CLNK: variants seen among roughly 807,000 people sequenced by gnomAD.
CLNK encodes the protein cytokine-dependent hematopoietic cell linker.
In CLNK, 74 loss-of-function variants were observed where a neutral mutation model predicts 68.6. The ratio of observed to expected loss-of-function variants is 1.08; its 90% CI spans 0.89 to 1.31. CLNK has a LOEUF of 1.31. CLNK is among the 50% of genes most tolerant of loss of function. The pLI is 0.00. For synonymous variants in CLNK, 198 were observed against 172.2 expected, an observed-to-expected ratio of 1.15 and a Z score of -1.17; for missense variants, 553 against 515.3, an observed-to-expected ratio of 1.07 and a Z score of -0.71.
At chr4:10,649,063 G>C (rs1723628152) in intron 2 of CLNK, among the ~76,000 whole-genome samples, 1 of 152,130 alleles carries the variant, frequency 6.6e-6, no homozygotes, top group Non-Finnish European at 1.5e-5. Flanking sequence ...AGGTGCCTTT[G>C]TAAAACGTTA....
At chr4:10,606,925 T>A (rs544088498) in intron 2 of CLNK, among the ~76,000 whole-genome samples, 2 of 152,338 alleles carry the variant, frequency 1.3e-5, no homozygotes, top group South Asian at 2.1e-4. Context: ...GTAGTAAGCA[T>A]CTAGGTTGTT....
At chr4:10,690,485 G>A in the CLNK span, among the ~76,000 whole-genome samples, 1 of 152,034 alleles carries the variant, frequency 6.6e-6, no homozygotes, top group Non-Finnish European at 1.5e-5. Context: ...CTCTGGCATG[G>A]TTTCTTTACC....
At chr4:10,642,210 C>G (rs139253315) in intron 2 of CLNK, among the ~76,000 whole-genome samples, 3,361 of 152,294 alleles carry the variant, frequency 0.022, 66 homozygotes, top group Non-Finnish European at 0.038. Flanking sequence ...TCAGCATACA[C>G]TGCCATACAC....
chr4:10,646,528 C>G (rs1260485590), intron 2 of CLNK, among the ~76,000 whole-genome samples: 1 of 152,174 alleles, frequency 6.6e-6, no homozygotes, highest in Non-Finnish European at 1.5e-5. Context: ...ATTCATTTTG[C>G]CAGGAAGAAA....
chr4:10,662,053 C>G (rs1724214103), intron 2 of CLNK, among the ~76,000 whole-genome samples: 1 of 152,086 alleles, frequency 6.6e-6, no homozygotes, highest in African/African-American at 2.4e-5. Flanking sequence ...AAAAGAACTG[C>G]TAGGTTATTA....
rs1716364765 is a variant in CLNK at position 10,486,570 on chromosome 4, G to GTACATAATTT, written c.*3896_*3897insAAATTATGTA. 2 of 151,966 alleles carry GTACATAATTT rather than the reference G, an allele frequency of 1.3e-5. No individual in the cohort carries two copies. The highest frequency in any genetic ancestry group is 1.3e-4 in the Admixed American group (2 of 15,248). The allele number at this position is 151,966 out of a possible 1,614,324, so 9.4% of individuals were successfully genotyped here. A position where few individuals can be genotyped will look rare whatever the true frequency, so the allele number is the denominator to read the frequency against. On this transcript the variant is annotated 3_prime_UTR_variant, in exon 19 of 19. Coordinates refer to ENST00000226951, the MANE Select transcript of CLNK (RefSeq NM_052964.4). ...TATTTGTGTACACACATACATAATTGGCTACATTCGACAATGGGGTTCATT... is the reference window on the plus strand; with the variant it reads ...TATTTGTGTACACACATACATAATTGTACATAATTTGCTACATTCGACAATGGGGTTCATT...
At chr4:10,692,858 A>G in the CLNK span, among the ~76,000 whole-genome samples, 2 of 152,320 alleles carry the variant, frequency 1.3e-5, no homozygotes, top group East Asian at 1.9e-4. Flanking sequence ...GGAAAAGAGG[A>G]AAAGAAAGGG....
the CLNK span, among the ~76,000 whole-genome samples, chr4:10,708,926 T>C: frequency 1.3e-3 from 200 of 152,346 alleles, no homozygotes; most frequent in Non-Finnish European, 2.3e-3. Context: ...GATTACGCTA[T>C]AAAACTTTCT....
At chr4:10,505,196 T>C (rs1187220599) in intron 17 of CLNK, among the ~76,000 whole-genome samples, 1 of 152,172 alleles carries the variant, frequency 6.6e-6, no homozygotes, top group African/African-American at 2.4e-5. Flanking sequence ...ATGGCCAGAT[T>C]CCCTGGAAAG....
At chr4:10,578,579 C>CTTTTTTTTTTTTT (rs5856062) in intron 4 of CLNK, among the ~76,000 whole-genome samples, 8 of 44,920 alleles carry the variant, frequency 1.8e-4, no homozygotes, top group African/African-American at 7.0e-4. Context: ...CTTACCTTAT[C>CTTTTTTTTTTTTT]TTTTTTTTTT....
chr4:10,658,039 A>G (rs1724048505), intron 2 of CLNK, among the ~76,000 whole-genome samples: 2 of 152,182 alleles, frequency 1.3e-5, no homozygotes, highest in Admixed American at 1.3e-4. Context: ...GCTTGGTAAC[A>G]TCCCATTGTT....
chr4:10,689,873 AGAG>A, the CLNK span, among the ~76,000 whole-genome samples: 1 of 149,794 alleles, frequency 6.7e-6, no homozygotes, highest in Non-Finnish European at 1.5e-5. Context: ...CAGGCCCTTG[AGAG>A]GAGATCAGCT....
chr4:10,721,266 G>A, the CLNK span, among the ~76,000 whole-genome samples: 1 of 152,114 alleles, frequency 6.6e-6, no homozygotes, highest in East Asian at 1.9e-4. Flanking sequence ...TATCTTGACT[G>A]TATCGACTGC....
intron 2 of CLNK, among the ~76,000 whole-genome samples, chr4:10,649,543 G>A (rs1033468142): frequency 6.6e-6 from 1 of 152,102 alleles, no homozygotes; most frequent in African/African-American, 2.4e-5. Flanking sequence ...TGACGGAAAG[G>A]AGTCTAATAG....
chr4:10,659,189 G>A (rs1014741909), intron 2 of CLNK, among the ~76,000 whole-genome samples: 4 of 152,106 alleles, frequency 2.6e-5, no homozygotes, highest in East Asian at 1.9e-4. Flanking sequence ...AAACAAGAGC[G>A]AAACTCTGTC....
chr4:10,693,525 G>T, the CLNK span, among the ~76,000 whole-genome samples: 1 of 152,184 alleles, frequency 6.6e-6, no homozygotes. Context: ...GCTGAAAGGG[G>T]CAAGGAAGTG....
the CLNK span, among the ~76,000 whole-genome samples, chr4:10,704,139 A>G: frequency 6.6e-6 from 1 of 152,180 alleles, no homozygotes; most frequent in Non-Finnish European, 1.5e-5. Flanking sequence ...TAAAGAAGGG[A>G]GGAAAAAAGA....
intron 18 of CLNK, among the ~76,000 whole-genome samples, chr4:10,499,081 T>G (rs2109022561): frequency 1.3e-5 from 2 of 150,504 alleles, no homozygotes; most frequent in South Asian, 4.3e-4. Context: ...ATTCCTTTCC[T>G]TATTTGGAAA....
At chr4:10,636,205 A>G (rs1287877908) in intron 2 of CLNK, among the ~76,000 whole-genome samples, 2 of 152,244 alleles carry the variant, frequency 1.3e-5, no homozygotes, top group Non-Finnish European at 2.9e-5. Context: ...TTGCAGAAGT[A>G]ATTAAGATAT....
Sources: gnomAD v4.1 joint callset for allele counts (sites outside exome capture counted in the v4.1 genomes callset) on GRCh38, gnomAD v4.1.1 for gene constraint, MANE v1.5 for transcripts, NCBI Gene and HGNC (gene_info 2026-07-23, HGNC 2026-07-21) for gene names.